Variants in IGSF10 observed in about 807,000 individuals in gnomAD.
IGSF10 encodes the protein immunoglobulin superfamily member 10.
IGSF10 carries 126 observed loss-of-function variants against 128.2 expected under a neutral mutation model. The ratio of observed to expected loss-of-function variants is 0.98; its 90% CI spans 0.85 to 1.14. IGSF10 has a LOEUF of 1.14. Ranked by LOEUF, IGSF10 falls within the 50% of genes most tolerant of loss-of-function variation. The pLI, the probability that IGSF10 is intolerant of heterozygous loss-of-function variation, is 0.00. For missense variants in IGSF10, 3,295 were observed against 3,149.8 expected (o/e 1.05, Z -1.10); for synonymous variants, 1,185 against 1,146.2 (o/e 1.03, Z -0.68).
At chr3:151,537,375 T>C in the IGSF10 span, among the ~76,000 whole-genome samples, 1 of 152,180 alleles carries the variant, frequency 6.6e-6, no homozygotes, top group Non-Finnish European at 1.5e-5. Context: ...CTATTGATTT[T>C]TGTCAAAATT....
chr3:151,617,280 C>CTTCTTCTTCTTCTTT, the IGSF10 span, among the ~76,000 whole-genome samples: 1 of 112,840 alleles, frequency 8.9e-6, no homozygotes, highest in South Asian at 3.4e-4. Flanking sequence ...TCTTCTTCTT[C>CTTCTTCTTCTTCTTT]TTCTTCTTCT....
chr3:151,465,468 G>C (rs1003568008), upstream of IGSF10, among the ~76,000 whole-genome samples: 3 of 152,192 alleles, frequency 2.0e-5, no homozygotes, highest in African/African-American at 7.2e-5. Context: ...CATTGGTTGA[G>C]GTTTGCAGAA....
chr3:151,479,498 CCTGA>C, the IGSF10 span, among the ~76,000 whole-genome samples: 6 of 151,886 alleles, frequency 4.0e-5, no homozygotes, highest in Non-Finnish European at 8.8e-5. Context: ...TCAAGACAGC[CCTGA>C]CTAATATTTA....
At chr3:151,550,448 A>C in the IGSF10 span, among the ~76,000 whole-genome samples, 1 of 152,192 alleles carries the variant, frequency 6.6e-6, no homozygotes. Flanking sequence ...GACAAGAGAA[A>C]GGGCATTTGA....
At chr3:151,556,290 C>T in the IGSF10 span, among the ~76,000 whole-genome samples, 15 of 152,196 alleles carry the variant, frequency 9.9e-5, no homozygotes, top group African/African-American at 1.7e-4. Flanking sequence ...CAGACTAAAA[C>T]GATGTGAGAC....
At chr3:151,607,655 T>C in the IGSF10 span, among the ~76,000 whole-genome samples, 92 of 152,158 alleles carry the variant, frequency 6.0e-4, no homozygotes, top group African/African-American at 2.1e-3. Context: ...CTCATGCCTG[T>C]AATCCCAGCA....
At chr3:151,573,735 G>T in the IGSF10 span, among the ~76,000 whole-genome samples, 4 of 152,294 alleles carry the variant, frequency 2.6e-5, no homozygotes, top group African/African-American at 9.6e-5. Context: ...TACATTTAAG[G>T]TTAATGTTGT....
chr3:151,583,199 T>C, the IGSF10 span, among the ~76,000 whole-genome samples: 1 of 152,064 alleles, frequency 6.6e-6, no homozygotes, highest in Admixed American at 6.5e-5. Flanking sequence ...TTGTTCTTTC[T>C]TATTCTTATA....
chr3:151,549,192 T>C, the IGSF10 span, among the ~76,000 whole-genome samples: 1 of 152,192 alleles, frequency 6.6e-6, no homozygotes, highest in South Asian at 2.1e-4. Context: ...TTGGTGGCTT[T>C]ACCGCTTGAT....
chr3:151,508,366 G>T, the IGSF10 span, among the ~76,000 whole-genome samples: 71 of 152,160 alleles, frequency 4.7e-4, no homozygotes, highest in African/African-American at 1.5e-3. Context: ...ATAAAATTTG[G>T]TTCTCTCTTT....
upstream of IGSF10, among the ~76,000 whole-genome samples, chr3:151,463,535 T>G (rs1450567981): frequency 1.0e-3 from 53 of 52,146 alleles, 1 homozygote; most frequent in African/African-American, 3.3e-3. Context: ...TTTTTTTTTT[T>G]TTTTTTTTTT....
the IGSF10 span, among the ~76,000 whole-genome samples, chr3:151,520,135 C>G: frequency 6.6e-6 from 1 of 151,710 alleles, no homozygotes. Context: ...AAAACACACT[C>G]TGGTGTACCT....
At chr3:151,467,636 G>A in the IGSF10 span, among the ~76,000 whole-genome samples, 6,637 of 152,208 alleles carry the variant, frequency 0.044, 175 homozygotes, top group East Asian at 0.077. Context: ...TGTAATCCCA[G>A]CACTTTGGGA....
chr3:151,585,030 A>G, the IGSF10 span, among the ~76,000 whole-genome samples: 1 of 152,170 alleles, frequency 6.6e-6, no homozygotes, highest in Non-Finnish European at 1.5e-5. Context: ...TTTAATGATT[A>G]CTGTAAAGAT....
rs746259383 is a variant in IGSF10 at position 151,445,165 on chromosome 3, G to A, written c.4816C>T (p.Leu1606Phe). The A allele has an allele frequency of 1.2e-6, 2 of 1,614,240 alleles. No individual in the cohort carries two copies. The highest frequency in any genetic ancestry group is 2.2e-5 in the South Asian group (2 of 91,076). The change falls in exon 6 of 8, where the codon CTT (leucine) becomes TTT (phenylalanine). Residue 1606 changes from leucine (L) to phenylalanine (F), a missense_variant. By Grantham distance (22) the Leu-to-Phe change is conservative. Coordinates refer to ENST00000282466, the MANE Select transcript of IGSF10 (RefSeq NM_178822.5). ...ATTGLSEATT[L>F]VSDWDGQKNT... is the part of the protein sequence containing the mutation. ...TTCTGTCCATCCCAATCTGAAACAA[G>A]AGTGGTGGCCTCGGACAGGCCTGTA...
Position 151,445,506 on chromosome 3 carries a change from G to A in IGSF10, c.4475C>T (p.Thr1492Ile), listed in dbSNP as rs765383448. 1.9e-6 allele frequency: 3 copies of A among 1,614,198 alleles called. No homozygotes were observed. The South Asian group carries it at 3.3e-5, about 18-fold the overall frequency. The change falls in exon 6 of 8, where the codon ACT becomes ATT. Residue 1492 changes from threonine (T) to isoleucine (I), a missense_variant. Transcript: ENST00000282466. ...TQRAVTDNVA[T>I]PISGLMTNTV... Reference sequence around the variant, plus strand: ...ATTTGTCATAAGCCCGGAAATGGGAGTCGCCACGTTGTCAGTAACTGCTCT... The same window carrying A: ...ATTTGTCATAAGCCCGGAAATGGGAATCGCCACGTTGTCAGTAACTGCTCT...
At chr3:151,530,343 A>G in the IGSF10 span, among the ~76,000 whole-genome samples, 1 of 152,160 alleles carries the variant, frequency 6.6e-6, no homozygotes, top group African/African-American at 2.4e-5. Context: ...GGCCACATTC[A>G]AATTCAGGAA....
At chr3:151,530,559 T>G in the IGSF10 span, among the ~76,000 whole-genome samples, 1 of 152,138 alleles carries the variant, frequency 6.6e-6, no homozygotes, top group Non-Finnish European at 1.5e-5. Context: ...GGGGGCAATA[T>G]TCAACGTTCT....
chr3:151,482,526 A>G, the IGSF10 span, among the ~76,000 whole-genome samples: 1 of 152,218 alleles, frequency 6.6e-6, no homozygotes, highest in Admixed American at 6.5e-5. Context: ...CAAAAAAATA[A>G]AGGAATAAAG....
Sources: gnomAD v4.1 joint callset for allele counts (sites outside exome capture counted in the v4.1 genomes callset) on GRCh38, gnomAD v4.1.1 for gene constraint, MANE v1.5 for transcripts, NCBI Gene and HGNC (gene_info 2026-07-23, HGNC 2026-07-21) for gene names.